The following RILPL1 variants were observed in gnomAD, a reference collection of about 807,000 sequenced individuals.
RILPL1 encodes the protein Rab interacting lysosomal protein like 1, also known as RILP-like protein 1.
RILPL1 carries 33 observed loss-of-function variants against 50.3 expected under a neutral mutation model. The observed-to-expected ratio is 0.66, with a 90% CI of 0.50 to 0.88. The LOEUF (loss-of-function observed/expected upper bound fraction) is 0.88. RILPL1 is among the 40% of genes least tolerant of loss of function. RILPL1 has a pLI of 0.00. For synonymous variants in RILPL1, 205 were observed against 228.6 expected, an observed-to-expected ratio of 0.90 and a Z score of 0.93; for missense variants, 418 against 542.5, an observed-to-expected ratio of 0.77 and a Z score of 2.28.
chr12:123,507,899 C>T (rs1195015380), intron 2 of RILPL1, among the ~76,000 whole-genome samples: 1 of 147,502 alleles, frequency 6.8e-6, no homozygotes, highest in East Asian at 2.0e-4. Flanking sequence ...TGAGATCACG[C>T]CACTGCACTC....
At position 123,499,411 on chromosome 12, in the gene RILPL1, CA is replaced by C. The variant is rs779949792; in HGVS notation, c.579+6del. The stretch of plus-strand genomic sequence containing the variant: ...GGGTGGACGCAGGTCAGGGGTGTGT[CA>C]CTCACAGCCTCAACGTCCTCATTTT... On this transcript the variant is annotated splice_donor_region_variant and intron_variant, in intron 3 of 6. Coordinates refer to ENST00000376874, the MANE Select transcript of RILPL1 (RefSeq NM_178314.5). 1 of 1,606,180 alleles carries C rather than the reference CA, an allele frequency of 6.2e-7. No homozygotes were observed. The highest frequency in any genetic ancestry group is 1.3e-5 in the African/African-American group (1 of 74,774).
Position 123,489,910 on chromosome 12 carries a change from C to G in RILPL1, c.802-4105G>C, listed in dbSNP as rs547983755. 6.6e-6 allele frequency among the ~76,000 whole-genome samples: 1 copy of G among 152,246 alleles called. No individual in the cohort carries two copies. Among genetic ancestry groups the G allele is most frequent in the South Asian group, 2.1e-4 (1 of 4,820 alleles). ...TTCTAAAACTCTGTTGAATTAGCTG[C>G]GAACTCTTTAAGATTAGGAGATTTC... is the stretch of plus-strand genomic sequence containing the variant. On this transcript the variant is annotated intron_variant, in intron 4 of 6. Transcript: ENST00000376874. This position sits in a 1 kb window ranked among gnomAD's most constrained non-coding sequence, Gnocchi z 4.0.
At chr12:123,474,373 A>G (rs964225816) in intron 6 of RILPL1, 2 of 151,816 alleles carry the variant, frequency 1.3e-5, no homozygotes, top group African/African-American at 4.8e-5. Context: ...TTTTTTTGAG[A>G]CGGAGTCTCG....
chr12:123,483,669 C>T (rs908335234), intron 6 of RILPL1, among the ~76,000 whole-genome samples: 2 of 151,908 alleles, frequency 1.3e-5, no homozygotes, highest in Admixed American at 1.3e-4. Context: ...CTCTTTTTTG[C>T]GGGGTTCTCC....
chr12:123,480,025 C>T (rs1413430509), intron 6 of RILPL1, among the ~76,000 whole-genome samples: 1 of 151,958 alleles, frequency 6.6e-6, no homozygotes. Flanking sequence ...GAGAAAGGGG[C>T]CCAGAGTAGA....
intron 2 of RILPL1, among the ~76,000 whole-genome samples, chr12:123,520,244 T>A (rs975203644): frequency 2.0e-5 from 3 of 152,190 alleles, no homozygotes; most frequent in Non-Finnish European, 4.4e-5. Flanking sequence ...TAGAACGGAA[T>A]ATGATTCAGA....
intron 2 of RILPL1, among the ~76,000 whole-genome samples, chr12:123,511,792 G>A (rs551373779): frequency 7.7e-6 from 1 of 130,552 alleles, no homozygotes; most frequent in Non-Finnish European, 1.6e-5. Flanking sequence ...GTGTGTGTGA[G>A]GTCTGTGTGT....
intron 4 of RILPL1, among the ~76,000 whole-genome samples, chr12:123,496,505 C>T (rs564230844): frequency 1.4e-4 from 21 of 152,210 alleles, no homozygotes; most frequent in Non-Finnish European, 2.1e-4. Flanking sequence ...ACTAGTGCAG[C>T]GTCTGCAAAC....
Position 123,485,749 on chromosome 12 carries a change from G to A in RILPL1, c.858C>T (p.Leu286=). The part of the protein sequence containing the change: ...ISDAEKVAMD[L]KDPNRPRFTL... ...TGAACCGGGGGCGGTTGGGGTCCTT[G>A]AGATCCATGGCCACCTTCTCTGCGT... The change falls in exon 5 of 7, where the codon CTC becomes CTT. Residue 286 remains leucine, a synonymous_variant. Coordinates refer to ENST00000376874, the MANE Select transcript of RILPL1 (RefSeq NM_178314.5). The surrounding 1 kb of genome is among the most constrained non-coding windows in gnomAD (Gnocchi z 4.0). The A allele has an allele frequency of 6.2e-7, 1 of 1,612,896 alleles. No individual in the cohort carries two copies. The highest frequency in any genetic ancestry group is 8.5e-7 in the Non-Finnish European group (1 of 1,179,444).
intron 2 of RILPL1, among the ~76,000 whole-genome samples, chr12:123,508,416 C>A (rs1883890582): frequency 6.6e-6 from 1 of 151,886 alleles, no homozygotes; most frequent in Non-Finnish European, 1.5e-5. Context: ...AAACAAAAAA[C>A]AAAAAACCCA....
chr12:123,485,073 T>C lies in RILPL1; in HGVS notation c.974+560A>G. 1 of 449,940 alleles carries C rather than the reference T, an allele frequency of 2.2e-6. No individual in the cohort carries two copies. Among genetic ancestry groups the C allele is most frequent in the South Asian group, 1.6e-5 (1 of 64,448 alleles). The allele number at this position is 449,940 out of a possible 1,614,324, so 27.9% of individuals were successfully genotyped here. ...CCACTGGAGCAGGGACCACCTCTGG[T>C]GCATGGGTCCTTCCTTCCAGCTTTC... On this transcript the variant is annotated intron_variant, in intron 5 of 6. Coordinates refer to ENST00000376874, the MANE Select transcript of RILPL1 (RefSeq NM_178314.5). The surrounding 1 kb of genome is among the most constrained non-coding windows in gnomAD (Gnocchi z 4.0).
At chr12:123,501,272 AC>A (rs1393703801) in intron 2 of RILPL1, among the ~76,000 whole-genome samples, 1 of 151,562 alleles carries the variant, frequency 6.6e-6, no homozygotes, top group African/African-American at 2.4e-5. Flanking sequence ...CCCTGTTTCT[AC>A]AAAAAGATTT....
rs748406380 is a variant in RILPL1 at position 123,472,201 on chromosome 12, G to C, written c.*337C>G. The C allele has an allele frequency of 7.3e-6, 2 of 274,284 alleles. No individual in the cohort carries two copies. The highest frequency in any genetic ancestry group is 1.4e-5 in the Non-Finnish European group (2 of 143,294). 17.0% of individuals were successfully genotyped at this position (274,284 alleles called of 1,614,324 possible). On this transcript the variant is annotated 3_prime_UTR_variant, in exon 7 of 7. Transcript: ENST00000376874. Reference sequence around the variant, plus strand: ...TATACAAAGCAAGTCAAACAGCAATGATAGTGGCAAGTGATGTATTTGGCT... The same window carrying C: ...TATACAAAGCAAGTCAAACAGCAATCATAGTGGCAAGTGATGTATTTGGCT...
chr12:123,475,931 T>G (rs1332748561), intron 6 of RILPL1: 2 of 518,896 alleles, frequency 3.9e-6, no homozygotes, highest in Non-Finnish European at 3.4e-6. Flanking sequence ...TGAGACAGAG[T>G]CTCACTGTCT....
chr12:123,507,774 T>G (rs752838124), intron 2 of RILPL1, among the ~76,000 whole-genome samples: 6 of 151,462 alleles, frequency 4.0e-5, no homozygotes, highest in Non-Finnish European at 7.4e-5. Context: ...AAACCCCATC[T>G]CTACTAAAAA....
chr12:123,472,754 C>G (rs910453419), intron 6 of RILPL1, 72 bp from the exon 7 acceptor site: 1 of 1,512,264 alleles, frequency 6.6e-7, no homozygotes, highest in African/African-American at 1.4e-5. Context: ...TTTGCAATGC[C>G]GGAGACATAT....
chr12:123,475,988 C>T (rs1470433249), intron 6 of RILPL1: 1 of 429,846 alleles, frequency 2.3e-6, no homozygotes, highest in Non-Finnish European at 4.3e-6. Context: ...ACTGCAACCT[C>T]CTCCTCCCGG....
chr12:123,513,233 T>A, intron 2 of RILPL1: 1 of 254,304 alleles, frequency 3.9e-6, no homozygotes, highest in Non-Finnish European at 8.5e-6. Context: ...TCGTGTGTGT[T>A]TGGGGGCTGA....
At chr12:123,512,812 GATC>G (rs1884435498) in intron 2 of RILPL1, among the ~76,000 whole-genome samples, 1 of 145,216 alleles carries the variant, frequency 6.9e-6, no homozygotes. Context: ...TGTGGTGTGA[GATC>G]TGTGTATGTG....
Sources: gnomAD v4.1 joint callset for allele counts (sites outside exome capture counted in the v4.1 genomes callset) on GRCh38, gnomAD v4.1.1 for gene constraint, Gnocchi (gnomAD v3.1) non-coding constraint, MANE v1.5 for transcripts, NCBI Gene and HGNC (gene_info 2026-07-23, HGNC 2026-07-21) for gene names.